Variants in NFIC observed in about 807,000 individuals in gnomAD.
The protein encoded by NFIC is nuclear factor 1 C-type.
A neutral mutation model predicts 54.4 loss-of-function variants in NFIC; 12 were observed. That is an observed-to-expected ratio of 0.22 (90% CI 0.14 to 0.36). The LOEUF (loss-of-function observed/expected upper bound fraction) is 0.36. Ranked by LOEUF, NFIC falls within the 10% of genes least tolerant of loss-of-function variation. The pLI is 1.00. For missense variants in NFIC, 575 were observed against 718.2 expected, an observed-to-expected ratio of 0.80 and a Z score of 2.28; for synonymous variants, 322 against 319.2, an observed-to-expected ratio of 1.01 and a Z score of -0.09.
intron 2 of NFIC, among the ~76,000 whole-genome samples, chr19:3,418,398 A>G (rs2081901548): frequency 6.6e-6 from 1 of 152,156 alleles, no homozygotes. Flanking sequence ...CGCCCCGCCT[A>G]ATTTTATTTC....
intron 2 of NFIC, among the ~76,000 whole-genome samples, chr19:3,383,315 G>T (rs1002762709): frequency 2.0e-5 from 3 of 152,170 alleles, no homozygotes; most frequent in African/African-American, 7.2e-5. Context: ...ATCCAAGGCG[G>T]CTTCCCAGAG....
intron 6 of NFIC, among the ~76,000 whole-genome samples, chr19:3,439,995 G>A (rs961050832): frequency 1.3e-5 from 2 of 151,978 alleles, no homozygotes; most frequent in African/African-American, 4.8e-5. Flanking sequence ...GCCAAACACT[G>A]GAAGAATTTT....
intron 10 of NFIC, among the ~76,000 whole-genome samples, chr19:3,460,437 G>A (rs1568203513): frequency 6.6e-6 from 1 of 152,286 alleles, no homozygotes; most frequent in East Asian, 1.9e-4. Context: ...AAACAGCGGT[G>A]GAGGGAGACC....
chr19:3,423,622 T>C (rs1026482890), intron 2 of NFIC, among the ~76,000 whole-genome samples: 8 of 152,128 alleles, frequency 5.3e-5, no homozygotes, highest in Admixed American at 6.6e-5. Flanking sequence ...CGGATGTGAC[T>C]CGTCCTGCAT....
At chr19:3,403,675 G>A (rs1016531971) in intron 2 of NFIC, among the ~76,000 whole-genome samples, 3 of 152,202 alleles carry the variant, frequency 2.0e-5, no homozygotes, top group Admixed American at 2.0e-4. Context: ...GCGCCTGCCC[G>A]GGCTCCCGCG....
rs766716240 is a variant in NFIC, at chr19:3,366,625, G to GCCGCGC, written c.-8_-3dup. The GCCGCGC allele has an allele frequency of 2.7e-6, 4 of 1,498,564 alleles. No homozygotes were observed. The highest frequency in any genetic ancestry group is 3.5e-6 in the Non-Finnish European group (4 of 1,130,104). 92.8% of individuals were successfully genotyped at this position (1,498,564 alleles called of 1,614,324 possible). A position where few individuals can be genotyped will look rare whatever the true frequency, so the allele number is the denominator to read the frequency against. ...CGCTCCGGCCGGCCCTGCGCCTCCC[G>GCCGCGC]CCGCGCCCGGGATGTATTCGTCCCC... On this transcript the variant is annotated 5_prime_UTR_variant, in exon 1 of 11. Transcript: ENST00000443272.
rs2121976917 is a variant in NFIC, at chr19:3,464,443, G to C, written c.*1674G>C. 1 of 967,352 alleles carries C rather than the reference G, an allele frequency of 1.0e-6. No individual in the cohort carries two copies. The highest frequency in any genetic ancestry group is 4.8e-5 in the South Asian group (1 of 20,740). The allele number at this position is 967,352 out of a possible 1,614,324, so 59.9% of individuals were successfully genotyped here. ...TATCCACACCTCCACCCCCACCCCA[G>C]GATCGCCATCTTTAGGGGAGGCCTG... On this transcript the variant is annotated 3_prime_UTR_variant, in exon 11 of 11. Coordinates refer to ENST00000443272, the MANE Select transcript of NFIC (RefSeq NM_001245002.2).
chr19:3,378,915 CT>C (rs1172205435), intron 1 of NFIC, among the ~76,000 whole-genome samples: 1 of 152,176 alleles, frequency 6.6e-6, no homozygotes, highest in African/African-American at 2.4e-5. Flanking sequence ...GCACTTGAAT[CT>C]CTTATCTTTT....
At chr19:3,444,876 CAT>C (rs781248705) in intron 6 of NFIC, among the ~76,000 whole-genome samples, 1 of 151,888 alleles carries the variant, frequency 6.6e-6, no homozygotes. Flanking sequence ...GGCGTGCACA[CAT>C]GTATGCATGC....
Position 3,464,600 on chromosome 19 carries a change from C to A in NFIC, c.*1831C>A, listed in dbSNP as rs1452182070. The A allele has an allele frequency of 2.1e-6, 2 of 974,698 alleles. No homozygotes were observed. Among genetic ancestry groups the A allele is most frequent in the African/African-American group, 3.5e-5 (2 of 56,562 alleles). 60.4% of individuals were successfully genotyped at this position (974,698 alleles called of 1,614,324 possible). ...CCCCACCACTGCCCCCTCCCCCGAC[C>A]CAGGCCAAAGCCAGGGCAGGTCTCC... On this transcript the variant is annotated 3_prime_UTR_variant, in exon 11 of 11. Coordinates refer to ENST00000443272, the MANE Select transcript of NFIC (RefSeq NM_001245002.2).
intron 3 of NFIC, among the ~76,000 whole-genome samples, chr19:3,429,939 G>A (rs11671513): frequency 0.2 from 30,385 of 152,034 alleles, 4,408 homozygotes; most frequent in East Asian, 0.62. Flanking sequence ...CGCTGTTCTC[G>A]GAGCTTTGCA....
At position 3,445,421 on chromosome 19, in the gene NFIC, A is replaced by C. The variant is rs987372779; in HGVS notation, c.959-3593A>C. 7.9e-5 allele frequency among the ~76,000 whole-genome samples: 12 copies of C among 152,180 alleles called. 1 individual carries two copies. Among genetic ancestry groups the C allele is most frequent in the Admixed American group, 5.2e-4 (8 of 15,290 alleles). The stretch of plus-strand genomic sequence containing the variant: ...GCTCAGCCTCGATGTCCGAGGCCTC[A>C]GGAGTGTTCCCCCTTGAGTGTTCAC... On this transcript the variant is annotated intron_variant, in intron 6 of 10. Transcript: ENST00000443272.
At position 3,458,247 on chromosome 19, in the gene NFIC, A is replaced by G. The variant is rs2082589414; in HGVS notation, c.1509+1612A>G. Among the ~76,000 whole-genome samples the G allele has an allele frequency of 2.0e-5, 3 of 151,104 alleles. No homozygotes were observed. The South Asian group carries it at 6.3e-4, about 32-fold the overall frequency. ...TTGGGATTTGGGCCCCCTATGGCCA[A>G]CCTCTCCCCCGCCTGGTGCTGATGG... On this transcript the variant is annotated intron_variant, in intron 10 of 10. Transcript: ENST00000443272. The surrounding 1 kb of genome is among the most constrained non-coding windows in gnomAD (Gnocchi z 4.1).
chr19:3,426,192 C>T (rs905140099), intron 3 of NFIC, among the ~76,000 whole-genome samples: 15 of 151,436 alleles, frequency 9.9e-5, no homozygotes, highest in South Asian at 4.2e-4. Flanking sequence ...CTCGGCCTCC[C>T]GAAGTACTGG....
At chr19:3,381,600 C>T in intron 1 of NFIC, 112 bp from the exon 2 acceptor site, 5 of 1,434,054 alleles carry the variant, frequency 3.5e-6, no homozygotes, top group Non-Finnish European at 3.7e-6. Context: ...CCCAGCCCCT[C>T]CCACTCTGCG....
chr19:3,412,042 A>T (rs187597639), intron 2 of NFIC, among the ~76,000 whole-genome samples: 1 of 152,308 alleles, frequency 6.6e-6, no homozygotes, highest in East Asian at 1.9e-4. Flanking sequence ...AAAGCCTGTA[A>T]TCGACATCGT....
At chr19:3,428,841 G>A (rs963589692) in intron 3 of NFIC, among the ~76,000 whole-genome samples, 2 of 151,892 alleles carry the variant, frequency 1.3e-5, no homozygotes, top group Admixed American at 6.6e-5. Flanking sequence ...GGGGCGTGCT[G>A]ACACCAGCTG....
At chr19:3,444,076 CCGACGGGGTGATGAGGGCCTTTTGT>C (rs1568188707) in intron 6 of NFIC, among the ~76,000 whole-genome samples, 4 of 150,378 alleles carry the variant, frequency 2.7e-5, no homozygotes, top group African/African-American at 7.3e-5. Flanking sequence ...AATGGCTGCT[CCGACGGGGTGATGAGGGCCTTTTGT>C]CAAATACAAA....
chr19:3,421,179 G>A (rs1175296953), intron 2 of NFIC, among the ~76,000 whole-genome samples: 3 of 152,352 alleles, frequency 2.0e-5, no homozygotes, highest in South Asian at 2.1e-4. Context: ...GGGAGCCACC[G>A]TGGGGCCTGA....
Sources: allele counts gnomAD v4.1 joint callset (sites outside exome capture counted in the v4.1 genomes callset), GRCh38; gene constraint gnomAD v4.1.1; non-coding constraint Gnocchi (gnomAD v3.1); transcripts MANE v1.5; gene names NCBI Gene and HGNC (gene_info 2026-07-23, HGNC 2026-07-21).